Variants in HEPHL1 observed in about 807,000 individuals in gnomAD.
HEPHL1 encodes hephaestin like 1, also known as ferroxidase HEPHL1.
A neutral mutation model predicts 122.0 loss-of-function variants in HEPHL1; 123 were observed. The observed-to-expected ratio is 1.01, with a 90% confidence interval of 0.87 to 1.17. The LOEUF (loss-of-function observed/expected upper bound fraction) is 1.17, where lower values mean the gene tolerates loss of function less well. Ranked by LOEUF, HEPHL1 falls within the 50% of genes most tolerant of loss-of-function variation. The pLI is 0.00. For synonymous variants in HEPHL1, 527 were observed against 508.9 expected (o/e 1.04, Z -0.48); for missense variants, 1,452 against 1,430.5 (o/e 1.01, Z -0.24).
chr11:94,100,000 G>C (rs1335215703), intron 13 of HEPHL1, among the ~76,000 whole-genome samples: 1 of 152,090 alleles, frequency 6.6e-6, no homozygotes, highest in Non-Finnish European at 1.5e-5. Context: ...CTCACGCTCG[G>C]TGGGCTGCAC....
Position 94,045,726 on chromosome 11 carries a change from A to C in HEPHL1, c.224A>C (p.Lys75Thr). The change falls in exon 2 of 20, where the codon AAA becomes ACA. Residue 75 changes from lysine to threonine, a missense_variant. Transcript: ENST00000315765. ...RGPNRIGSIY[K>T]KAVYRRFTDG... The stretch of plus-strand genomic sequence containing the variant: ...CCCAACAGGATAGGCAGTATTTACA[A>C]AAAGGCTGTTTACAGACGCTTCACG... 6.2e-7 allele frequency: 1 copy of C among 1,613,436 alleles called. No individual in the cohort carries two copies. Among genetic ancestry groups the C allele is most frequent in the South Asian group, 1.1e-5 (1 of 90,948 alleles).
At chr11:94,029,948 T>TA (rs1945658532) in intron 1 of HEPHL1, among the ~76,000 whole-genome samples, 1 of 152,128 alleles carries the variant, frequency 6.6e-6, no homozygotes, top group African/African-American at 2.4e-5. Context: ...CAGGACCTCT[T>TA]AGCAGATTAA....
In HEPHL1 at chr11:94,093,462, T is replaced by C. The variant is rs748542952; in HGVS notation, c.2295-39T>C. ...TTAGAAGCGCTCAAAGCTTTTCTGCTTTCTGACAACTTTAATTTCTGATGC... is the reference window on the plus strand; with the variant it reads ...TTAGAAGCGCTCAAAGCTTTTCTGCCTTCTGACAACTTTAATTTCTGATGC... On this transcript the variant is annotated intron_variant, in intron 12 of 19. Transcript: ENST00000315765. The C allele has an allele frequency of 2.5e-6, 4 of 1,611,758 alleles. No homozygotes were observed. In the South Asian group the frequency reaches 4.4e-5, roughly 18 times the overall value.
rs1946241659 is a variant in HEPHL1 at position 94,088,980 on chromosome 11, G to C, written c.2294+12G>C. ...GCAAGAGGGGAAAGGTACCACAGGC[G>C]CCGCCGCTAGGGCTCCTCGGTGGGA... On this transcript the variant is annotated intron_variant, in intron 12 of 19. Coordinates refer to ENST00000315765, the MANE Select transcript of HEPHL1 (RefSeq NM_001098672.2). 5.6e-6 allele frequency: 9 copies of C among 1,612,398 alleles called. No individual in the cohort carries two copies. Among genetic ancestry groups the C allele is most frequent in the Non-Finnish European group, 7.6e-6 (9 of 1,178,600 alleles).
intron 1 of HEPHL1, among the ~76,000 whole-genome samples, chr11:94,028,531 T>G (rs982350077): frequency 6.6e-6 from 1 of 152,196 alleles, no homozygotes; most frequent in Admixed American, 6.5e-5. Flanking sequence ...CCCCAGGCAC[T>G]GGCAATGTAA....
At chr11:94,043,327 A>G (rs903404402) in intron 1 of HEPHL1, among the ~76,000 whole-genome samples, 6 of 152,144 alleles carry the variant, frequency 3.9e-5, no homozygotes, top group Admixed American at 2.0e-4. Flanking sequence ...ACCAGTCCCA[A>G]GTACACAAGA....
intron 1 of HEPHL1, among the ~76,000 whole-genome samples, chr11:94,036,287 A>G (rs974322962): frequency 1.3e-5 from 2 of 152,144 alleles, no homozygotes; most frequent in Non-Finnish European, 2.9e-5. Flanking sequence ...AGGGTCTATG[A>G]GTTTATAGCT....
chr11:94,100,096 G>T (rs1421568736), intron 13 of HEPHL1, among the ~76,000 whole-genome samples: 3 of 152,138 alleles, frequency 2.0e-5, no homozygotes, highest in Non-Finnish European at 1.5e-5. Flanking sequence ...CCTGTCTTCT[G>T]CGTCGCTCAC....
intron 1 of HEPHL1, among the ~76,000 whole-genome samples, chr11:94,035,982 C>T (rs555635795): frequency 2.9e-4 from 44 of 152,236 alleles, no homozygotes; most frequent in Non-Finnish European, 4.9e-4. Context: ...GTGATCCGCC[C>T]GCCTCGGCCT....
At chr11:94,038,370 C>T (rs879971907) in intron 1 of HEPHL1, among the ~76,000 whole-genome samples, 89 of 118,634 alleles carry the variant, frequency 7.5e-4, no homozygotes, top group Non-Finnish European at 1.4e-3. Flanking sequence ...ATACAGAGAA[C>T]GCCACAAAGA....
chr11:94,092,270 C>T (rs1565359847), intron 12 of HEPHL1, among the ~76,000 whole-genome samples: 1 of 152,188 alleles, frequency 6.6e-6, no homozygotes, highest in Non-Finnish European at 1.5e-5. Context: ...ATGAAATGTA[C>T]TATACATGTA....
chr11:94,026,938 C>T (rs1349019191), intron 1 of HEPHL1, among the ~76,000 whole-genome samples: 1 of 152,202 alleles, frequency 6.6e-6, no homozygotes, highest in Non-Finnish European at 1.5e-5. Flanking sequence ...TTTTCTGTGG[C>T]TGCTGTAACA....
Position 94,075,156 on chromosome 11 carries a change from T to C in HEPHL1, c.1505-18T>C, listed in dbSNP as rs1946109481. On this transcript the variant is annotated intron_variant, in intron 8 of 19. Transcript: ENST00000315765. ...TCTTGCCTGTTGTTTTGAATAATTG[T>C]TTTGTTTATATCCTCAGGATTTGTG... The C allele has an allele frequency of 5.0e-6, 8 of 1,604,580 alleles. No individual in the cohort carries two copies. Among genetic ancestry groups the C allele is most frequent in the Admixed American group, 3.4e-5 (2 of 59,162 alleles).
Position 94,088,814 on chromosome 11 carries a change from T to C in HEPHL1, c.2140T>C (p.Tyr714His), listed in dbSNP as rs750498868. 9.3e-6 allele frequency: 15 copies of C among 1,613,894 alleles called. 1 individual carries two copies. The South Asian group carries it at 1.5e-4, about 17-fold the overall frequency. ...PHLSRGMGQI[Y>H]EVSSCDNRDP... ...CCTCTCGAGAGGCATGGGTCAGATCTATGAGGTCAGCAGCTGTGACAACAG... is the reference window on the plus strand; with the variant it reads ...CCTCTCGAGAGGCATGGGTCAGATCCATGAGGTCAGCAGCTGTGACAACAG... The change falls in exon 12 of 20, where the codon TAT becomes CAT. Residue 714 changes from tyrosine to histidine, a missense_variant. By Grantham distance (83) the Tyr-to-His change is moderately conservative. Transcript: ENST00000315765.
chr11:94,103,271 C>A (rs1186859533), intron 15 of HEPHL1, among the ~76,000 whole-genome samples: 3 of 120,386 alleles, frequency 2.5e-5, no homozygotes, highest in Admixed American at 8.5e-5. Flanking sequence ...TTTTTTTTTT[C>A]CCAAAAAAAA....
intron 2 of HEPHL1, among the ~76,000 whole-genome samples, chr11:94,052,668 G>T (rs963172698): frequency 2.6e-5 from 4 of 151,908 alleles, no homozygotes; most frequent in African/African-American, 9.7e-5. Context: ...CTAGTTTGTT[G>T]AGAGTTTTTC....
At chr11:94,071,910 G>T (rs1180188323) in intron 6 of HEPHL1, among the ~76,000 whole-genome samples, 1 of 152,102 alleles carries the variant, frequency 6.6e-6, no homozygotes, top group African/African-American at 2.4e-5. Flanking sequence ...GAACAGATGA[G>T]ACTGCAGTAA....
chr11:94,106,185 G>T (rs1946407202), intron 17 of HEPHL1, 55 bp downstream of exon 17: 5 of 1,353,938 alleles, frequency 3.7e-6, no homozygotes, highest in Non-Finnish European at 5.0e-6. Context: ...CAAATTCAAT[G>T]TATTTCCAGT....
intron 1 of HEPHL1, among the ~76,000 whole-genome samples, chr11:94,023,631 G>A (rs1001334152): frequency 4.6e-5 from 7 of 152,214 alleles, no homozygotes; most frequent in African/African-American, 9.7e-5. Context: ...GTTTCAAAAT[G>A]CATGGTCCCA....
Sources: allele counts gnomAD v4.1 joint callset (sites outside exome capture counted in the v4.1 genomes callset), GRCh38; gene constraint gnomAD v4.1.1; transcripts MANE v1.5; gene names NCBI Gene and HGNC (gene_info 2026-07-23, HGNC 2026-07-21).